NRG3: variants seen among roughly 807,000 people sequenced by gnomAD.
The protein encoded by NRG3 is pro-neuregulin-3, membrane-bound isoform.
A neutral mutation model predicts 66.9 loss-of-function variants in NRG3; 31 were observed. The observed-to-expected ratio is 0.46, with a 90% CI of 0.35 to 0.63. The LOEUF (loss-of-function observed/expected upper bound fraction) is 0.63. Ranked by LOEUF, NRG3 falls within the 20% of genes least tolerant of loss-of-function variation. The pLI is 0.00. For missense variants in NRG3, 910 were observed against 878.9 expected, an observed-to-expected ratio of 1.04 and a Z score of -0.45; for synonymous variants, 393 against 359.4, an observed-to-expected ratio of 1.09 and a Z score of -1.06.
At chr10:82,856,683 G>A (rs1408613025) in intron 3 of NRG3, among the ~76,000 whole-genome samples, 1 of 140,356 alleles carries the variant, frequency 7.1e-6, no homozygotes, top group African/African-American at 2.7e-5. Context: ...GGCAGAGGCT[G>A]CAGTGAGCCG....
chr10:82,087,644 C>A (rs1466631637), intron 1 of NRG3, among the ~76,000 whole-genome samples: 1 of 152,102 alleles, frequency 6.6e-6, no homozygotes, highest in African/African-American at 2.4e-5. Flanking sequence ...TTCTGCAGTG[C>A]ACATAGTACA....
chr10:82,484,133 A>G (rs1328191693), intron 2 of NRG3, among the ~76,000 whole-genome samples: 1 of 152,222 alleles, frequency 6.6e-6, no homozygotes, highest in African/African-American at 2.4e-5. Context: ...ATACCTGCCC[A>G]TTCCCACCTG....
chr10:82,151,367 C>T (rs1649965), intron 1 of NRG3, among the ~76,000 whole-genome samples: 106,162 of 152,140 alleles, frequency 0.7, 39,366 homozygotes, highest in Admixed American at 0.81. Flanking sequence ...AGAAAAGATG[C>T]CTGTTTTCTA....
intron 2 of NRG3, among the ~76,000 whole-genome samples, chr10:82,489,512 A>G (rs1842934418): frequency 6.6e-6 from 1 of 152,160 alleles, no homozygotes; most frequent in African/African-American, 2.4e-5. Flanking sequence ...TGTCACTCTT[A>G]GGAGGGAAGC....
intron 2 of NRG3, among the ~76,000 whole-genome samples, chr10:82,680,286 G>A (rs2054019874): frequency 6.6e-6 from 1 of 152,092 alleles, no homozygotes; most frequent in African/African-American, 2.4e-5. Context: ...GGCTGGTTGG[G>A]GTCTTCAAGG....
intron 2 of NRG3, among the ~76,000 whole-genome samples, chr10:82,374,261 G>T (rs529521954): frequency 6.6e-6 from 1 of 152,112 alleles, no homozygotes; most frequent in Non-Finnish European, 1.5e-5. Context: ...GCAAAGAAAC[G>T]TTGTATCCAC....
intron 4 of NRG3, among the ~76,000 whole-genome samples, chr10:82,899,296 G>C (rs1016007778): frequency 6.6e-6 from 1 of 151,840 alleles, no homozygotes; most frequent in Non-Finnish European, 1.5e-5. Context: ...ATTTACTCTT[G>C]GTTTAAAGAA....
intron 2 of NRG3, among the ~76,000 whole-genome samples, chr10:82,731,882 T>G (rs1350971195): frequency 6.6e-6 from 1 of 152,132 alleles, no homozygotes; most frequent in Non-Finnish European, 1.5e-5. Context: ...CTAATGACAT[T>G]CCCACCAGCA....
intron 2 of NRG3, among the ~76,000 whole-genome samples, chr10:82,556,493 T>C (rs1208134684): frequency 2.0e-5 from 3 of 152,144 alleles, no homozygotes; most frequent in African/African-American, 4.8e-5. Context: ...GTGAGCTGCA[T>C]TGGCTGGCGG....
intron 1 of NRG3, among the ~76,000 whole-genome samples, chr10:81,989,976 AT>A (rs1379202310): frequency 6.6e-6 from 1 of 152,156 alleles, no homozygotes; most frequent in African/African-American, 2.4e-5. Context: ...CAGGGGGCAA[AT>A]TTTTTACAGT....
chr10:82,970,089 A>G (rs1851587517), intron 6 of NRG3, among the ~76,000 whole-genome samples: 1 of 151,812 alleles, frequency 6.6e-6, no homozygotes, highest in Non-Finnish European at 1.5e-5. Flanking sequence ...TTCGTTATGG[A>G]CAATTGTGCT....
At chr10:82,482,996 G>T (rs961145608) in intron 2 of NRG3, among the ~76,000 whole-genome samples, 1 of 152,108 alleles carries the variant, frequency 6.6e-6, no homozygotes, top group African/African-American at 2.4e-5. Context: ...ATCTTGCAAG[G>T]ATGCAAGAAT....
At chr10:82,718,022 A>T (rs2057080312) in intron 2 of NRG3, among the ~76,000 whole-genome samples, 1 of 152,142 alleles carries the variant, frequency 6.6e-6, no homozygotes, top group Admixed American at 6.5e-5. Context: ...CAGTTATTCT[A>T]TTCACTAACA....
chr10:82,801,158 G>T (rs2061018781), intron 3 of NRG3, among the ~76,000 whole-genome samples: 1 of 152,190 alleles, frequency 6.6e-6, no homozygotes, highest in Non-Finnish European at 1.5e-5. Flanking sequence ...TGTTCCGCTA[G>T]AGAAAAGTTG....
At chr10:82,037,817 G>A (rs967434991) in intron 1 of NRG3, among the ~76,000 whole-genome samples, 3 of 152,008 alleles carry the variant, frequency 2.0e-5, no homozygotes, top group African/African-American at 7.2e-5. Context: ...AAAACTGTGT[G>A]TTCAAGAATT....
chr10:82,681,436 G>T (rs1315146718), intron 2 of NRG3, among the ~76,000 whole-genome samples: 1 of 152,122 alleles, frequency 6.6e-6, no homozygotes. Context: ...AAATTAAAAA[G>T]TGCAGGAGAA....
intron 3 of NRG3, among the ~76,000 whole-genome samples, chr10:82,863,019 C>T (rs1416250828): frequency 6.6e-6 from 1 of 152,028 alleles, no homozygotes; most frequent in Non-Finnish European, 1.5e-5. Flanking sequence ...TTGCCCCTTA[C>T]CCCCCAACAG....
chr10:82,057,655 A>G (rs1407859965), intron 1 of NRG3, among the ~76,000 whole-genome samples: 1 of 151,850 alleles, frequency 6.6e-6, no homozygotes, highest in Non-Finnish European at 1.5e-5. Context: ...GGTATGATAA[A>G]TTTTGTTTCA....
At chr10:82,434,840 C>T (rs189481998) in intron 2 of NRG3, among the ~76,000 whole-genome samples, 5 of 152,056 alleles carry the variant, frequency 3.3e-5, no homozygotes, top group East Asian at 1.9e-4. Flanking sequence ...TGCTGGTTTC[C>T]GTTTCCCATA....
Sources: gnomAD v4.1 joint callset for allele counts (sites outside exome capture counted in the v4.1 genomes callset) on GRCh38, gnomAD v4.1.1 for gene constraint, MANE v1.5 for transcripts, NCBI Gene and HGNC (gene_info 2026-07-23, HGNC 2026-07-21) for gene names.